The following ADAMTSL3 variants were observed in gnomAD, a reference collection of about 807,000 sequenced individuals.
ADAMTSL3 encodes ADAMTS like 3.
In ADAMTSL3, 128 loss-of-function variants were observed where a neutral mutation model predicts 201.7. The ratio of observed to expected loss-of-function variants is 0.63; its 90% CI spans 0.55 to 0.73. The LOEUF is 0.73. ADAMTSL3 is among the 30% of genes least tolerant of loss of function. ADAMTSL3 has a pLI of 0.00. For synonymous variants in ADAMTSL3, 738 were observed against 748.4 expected (o/e 0.99, Z 0.23); for missense variants, 1,990 against 2,119.6 (o/e 0.94, Z 1.20).
chr15:83,870,621 G>A (rs1007815229), intron 8 of ADAMTSL3, among the ~76,000 whole-genome samples, 181 bp from the exon 9 acceptor site: 1 of 152,124 alleles, frequency 6.6e-6, no homozygotes, highest in African/African-American at 2.4e-5. Context: ...AGCTCCTTTT[G>A]TTACGGGCAA....
chr15:83,986,901 G>A (rs978723150), intron 21 of ADAMTSL3, among the ~76,000 whole-genome samples: 1 of 152,202 alleles, frequency 6.6e-6, no homozygotes, highest in Non-Finnish European at 1.5e-5. Context: ...ATGTGTTACA[G>A]AATTCAACCT....
intron 15 of ADAMTSL3, 54 bp downstream of exon 15, chr15:83,899,785 A>G (rs1269848030): frequency 3.2e-6 from 5 of 1,576,154 alleles, no homozygotes; most frequent in East Asian, 2.4e-5. Context: ...TTAACATGAT[A>G]TATGTAATTT....
chr15:83,986,879 G>C (rs2067487503), intron 21 of ADAMTSL3, among the ~76,000 whole-genome samples: 1 of 152,162 alleles, frequency 6.6e-6, no homozygotes, highest in African/African-American at 2.4e-5. Context: ...ACGCAGCAGA[G>C]GCCAAGGTCA....
chr15:83,880,009 A>C (rs2065241892), intron 9 of ADAMTSL3, among the ~76,000 whole-genome samples: 1 of 152,128 alleles, frequency 6.6e-6, no homozygotes. Context: ...GTCAGCTATC[A>C]GTCTTCTTTT....
At chr15:83,678,797 A>AATATTT (rs1555429359) in intron 2 of ADAMTSL3, among the ~76,000 whole-genome samples, 3,267 of 139,330 alleles carry the variant, frequency 0.023, 133 homozygotes, top group African/African-American at 0.079. Flanking sequence ...ATGTATATAT[A>AATATTT]ATATATATTT....
In ADAMTSL3 at chr15:84,014,586, C is replaced by G. The variant is rs367754473; in HGVS notation, c.4018C>G (p.Leu1340Val). 1.2e-6 allele frequency: 2 copies of G among 1,614,128 alleles called. No individual in the cohort carries two copies. The highest frequency in any genetic ancestry group is 1.7e-6 in the Non-Finnish European group (2 of 1,180,002). The change falls in exon 24 of 30, where the codon CTG becomes GTG. Residue 1340 changes from leucine (L) to valine (V), a missense_variant. By Grantham distance (32) the Leu-to-Val change is conservative. Transcript: ENST00000286744. ...NITWLKRGGS[L>V]SGNVSLLFNG... ...AACTTGGTTGAAGAGAGGAGGATCT[C>G]TGAGTGGCAATGTTTCCTTGCTTTT... is the stretch of plus-strand genomic sequence containing the variant.
At position 83,902,841 on chromosome 15, in the gene ADAMTSL3, C is replaced by A. The variant is rs2065753344; in HGVS notation, c.1700+3110C>A. On this transcript the variant is annotated intron_variant, in intron 15 of 29. Coordinates refer to ENST00000286744, the MANE Select transcript of ADAMTSL3 (RefSeq NM_207517.3). Reference sequence around the variant, plus strand: ...TTGGGAGTGGCCCCACCTGTTAAGTCTTTTTCTGTAACTTTCTTTTTAATC... The same window carrying A: ...TTGGGAGTGGCCCCACCTGTTAAGTATTTTTCTGTAACTTTCTTTTTAATC... 1.3e-5 allele frequency among the ~76,000 whole-genome samples: 2 copies of A among 152,094 alleles called. 1 individual carries two copies. Among genetic ancestry groups the A allele is most frequent in the South Asian group, 4.2e-4 (2 of 4,816 alleles).
intron 3 of ADAMTSL3, among the ~76,000 whole-genome samples, chr15:83,759,375 G>A (rs913698297): frequency 7.9e-5 from 12 of 152,000 alleles, no homozygotes; most frequent in Non-Finnish European, 8.8e-5. Flanking sequence ...ACAGGTGCCC[G>A]CCACCATGCC....
At chr15:83,971,648 A>T (rs564531612) in intron 20 of ADAMTSL3, among the ~76,000 whole-genome samples, 1 of 151,102 alleles carries the variant, frequency 6.6e-6, no homozygotes, top group African/African-American at 2.4e-5. Context: ...CATGACAGCA[A>T]TTGAAAAGCA....
At chr15:83,955,127 G>C (rs180936781) in intron 19 of ADAMTSL3, among the ~76,000 whole-genome samples, 1 of 152,212 alleles carries the variant, frequency 6.6e-6, no homozygotes. Context: ...CAGGCCCTGG[G>C]CATGTCCAGA....
chr15:83,686,290 G>A (rs1452630733), intron 2 of ADAMTSL3, among the ~76,000 whole-genome samples: 1 of 152,158 alleles, frequency 6.6e-6, no homozygotes, highest in Non-Finnish European at 1.5e-5. Flanking sequence ...TTTTACTGTG[G>A]GCAGCGACTT....
chr15:83,901,837 GA>G (rs1427121528), intron 15 of ADAMTSL3, among the ~76,000 whole-genome samples: 10 of 23,384 alleles, frequency 4.3e-4, no homozygotes, highest in Non-Finnish European at 5.8e-4. Context: ...TGAGGCACTT[GA>G]GAGAGAGAGT....
intron 3 of ADAMTSL3, among the ~76,000 whole-genome samples, chr15:83,771,447 C>A (rs79675055): frequency 0.1 from 15,501 of 152,158 alleles, 947 homozygotes; most frequent in Admixed American, 0.19. Flanking sequence ...TCTTCATTTC[C>A]TTATCACCCC....
At chr15:83,946,934 C>T (rs532564361) in intron 19 of ADAMTSL3, among the ~76,000 whole-genome samples, 74 of 152,242 alleles carry the variant, frequency 4.9e-4, no homozygotes, top group Admixed American at 9.2e-4. Flanking sequence ...GAAGGGCAAG[C>T]GTATATACAC....
chr15:83,792,826 T>C (rs1334592405), intron 4 of ADAMTSL3, among the ~76,000 whole-genome samples: 1 of 151,882 alleles, frequency 6.6e-6, no homozygotes, highest in African/African-American at 2.4e-5. Flanking sequence ...TCCAGCAGTC[T>C]CACTATTGGA....
chr15:83,828,638 A>G (rs2064080585), intron 6 of ADAMTSL3, among the ~76,000 whole-genome samples: 1 of 152,172 alleles, frequency 6.6e-6, no homozygotes, highest in African/African-American at 2.4e-5. Context: ...GTTTTTGCCC[A>G]TTCAGTATGA....
intron 23 of ADAMTSL3, 95 bp downstream of exon 23, chr15:83,991,309 T>C: frequency 1.9e-6 from 3 of 1,571,574 alleles, no homozygotes; most frequent in Non-Finnish European, 2.6e-6. Context: ...ATTTTGGTAT[T>C]CGAGACCTCA....
At chr15:84,035,111 T>G (rs2068481157) in intron 28 of ADAMTSL3, among the ~76,000 whole-genome samples, 1 of 152,188 alleles carries the variant, frequency 6.6e-6, no homozygotes, top group Non-Finnish European at 1.5e-5. Flanking sequence ...CTTCAGCTTC[T>G]GTGTTGGTCC....
chr15:83,750,084 C>T (rs952543093), intron 3 of ADAMTSL3, among the ~76,000 whole-genome samples: 6 of 152,204 alleles, frequency 3.9e-5, no homozygotes, highest in African/African-American at 1.2e-4. Context: ...GATTCCTCCA[C>T]TCTATGGCCT....
Sources: allele counts gnomAD v4.1 joint callset (sites outside exome capture counted in the v4.1 genomes callset), GRCh38; gene constraint gnomAD v4.1.1; transcripts MANE v1.5; gene names NCBI Gene and HGNC (gene_info 2026-07-23, HGNC 2026-07-21).